SPACA7: variants seen among roughly 807,000 people sequenced by gnomAD.
SPACA7 encodes the protein sperm acrosome associated 7, also known as sperm acrosome-associated protein 7.
A neutral mutation model predicts 26.3 loss-of-function variants in SPACA7; 19 were observed. The observed-to-expected ratio is 0.72, with a 90% CI of 0.50 to 1.06. SPACA7 has a LOEUF of 1.06. Among genes scored for constraint, SPACA7 ranks in the 50% least tolerant of loss-of-function variants. The pLI, the probability that SPACA7 is intolerant of heterozygous loss-of-function variation, is 0.00. For missense variants in SPACA7, 211 were observed against 229.9 expected, an observed-to-expected ratio of 0.92 and a Z score of 0.53; for synonymous variants, 84 against 84.5, an observed-to-expected ratio of 0.99 and a Z score of 0.04.
intron 5 of SPACA7, among the ~76,000 whole-genome samples, chr13:112,410,677 T>C (rs1259972325): frequency 6.6e-6 from 1 of 151,974 alleles, no homozygotes. Context: ...TGTAGAGAAA[T>C]TGGAATTCTT....
intron 5 of SPACA7, among the ~76,000 whole-genome samples, chr13:112,417,622 G>A (rs1414442879): frequency 6.6e-6 from 1 of 151,970 alleles, no homozygotes; most frequent in Non-Finnish European, 1.5e-5. Context: ...TATATATTTT[G>A]AAGACTGACA....
At chr13:112,407,528 A>C (rs1169290967) in intron 5 of SPACA7, among the ~76,000 whole-genome samples, 1 of 152,216 alleles carries the variant, frequency 6.6e-6, no homozygotes, top group Non-Finnish European at 1.5e-5. Flanking sequence ...AAAAATGGTA[A>C]AGGGGATATC....
At chr13:112,383,101 GAAAGAAAAGAAAAGA>G (rs1404941057) in intron 1 of SPACA7, among the ~76,000 whole-genome samples, 6 of 27,194 alleles carry the variant, frequency 2.2e-4, no homozygotes, top group Non-Finnish European at 8.7e-5. Flanking sequence ...AAAGAAAGAA[GAAAGAAAAGAAAAGA>G]AAAGAAAAGA....
At chr13:112,424,980 A>C (rs1482657832) in intron 5 of SPACA7, among the ~76,000 whole-genome samples, 1 of 152,230 alleles carries the variant, frequency 6.6e-6, no homozygotes, top group African/African-American at 2.4e-5. Flanking sequence ...ATGCATAGAC[A>C]CTGAGGAGAA....
At chr13:112,416,521 A>C (rs377360052) in intron 5 of SPACA7, among the ~76,000 whole-genome samples, 2 of 152,148 alleles carry the variant, frequency 1.3e-5, no homozygotes, top group East Asian at 3.9e-4. Flanking sequence ...TCCTGACATC[A>C]AGGGATCCAC....
chr13:112,420,771 G>A (rs747720194), intron 5 of SPACA7, among the ~76,000 whole-genome samples: 7 of 151,998 alleles, frequency 4.6e-5, no homozygotes, highest in Non-Finnish European at 5.9e-5. Flanking sequence ...CACACTGTAG[G>A]CATATCATAT....
At chr13:112,409,540 CA>C (rs1252788465) in intron 5 of SPACA7, among the ~76,000 whole-genome samples, 2 of 151,252 alleles carry the variant, frequency 1.3e-5, no homozygotes, top group Non-Finnish European at 2.9e-5. Flanking sequence ...ACAACCCCAT[CA>C]AAAAGTGGGT....
chr13:112,399,015 T>C (rs1016820033), intron 3 of SPACA7, 51 bp from the exon 4 acceptor site: 4 of 1,095,066 alleles, frequency 3.7e-6, no homozygotes, highest in South Asian at 1.3e-5. Context: ...TGTTTATACC[T>C]GTGTAATCAA....
At chr13:112,408,405 A>C (rs1170708764) in intron 5 of SPACA7, among the ~76,000 whole-genome samples, 1 of 152,178 alleles carries the variant, frequency 6.6e-6, no homozygotes, top group Non-Finnish European at 1.5e-5. Context: ...GGTGTATTTG[A>C]TTAGGAAAAG....
At chr13:112,423,066 C>A (rs535052977) in intron 5 of SPACA7, among the ~76,000 whole-genome samples, 2 of 152,232 alleles carry the variant, frequency 1.3e-5, no homozygotes, top group East Asian at 1.9e-4. Context: ...AATAAAAATA[C>A]CTCTACTAAA....
At chr13:112,382,564 G>A (rs1271437507) in intron 1 of SPACA7, 1 of 1,530,040 alleles carries the variant, frequency 6.5e-7, no homozygotes, top group East Asian at 2.5e-5. Flanking sequence ...GGCCTGGCTG[G>A]GCTTCCAAGG....
intron 1 of SPACA7, among the ~76,000 whole-genome samples, chr13:112,389,826 C>G (rs537966666): frequency 8.5e-5 from 13 of 152,158 alleles, no homozygotes; most frequent in Non-Finnish European, 1.5e-4. Flanking sequence ...CTGATAAAAA[C>G]GGGATATGTT....
Position 112,407,540 on chromosome 13 carries a change from C to T in SPACA7, c.445+6376C>T, listed in dbSNP as rs1886066133. On this transcript the variant is annotated intron_variant, in intron 5 of 6. Coordinates refer to ENST00000283550, the MANE Select transcript of SPACA7 (RefSeq NM_145248.5). ...ACAAAAAATGGTAAAGGGGATATCA[C>T]CACCGATACCAAAGAAATACAAACT... 2.0e-5 allele frequency among the ~76,000 whole-genome samples: 3 copies of T among 152,060 alleles called. No individual in the cohort carries two copies. The South Asian group carries it at 6.2e-4, about 32-fold the overall frequency.
intron 1 of SPACA7, among the ~76,000 whole-genome samples, chr13:112,386,608 C>T (rs947403990): frequency 3.3e-5 from 5 of 149,310 alleles, no homozygotes; most frequent in Admixed American, 1.3e-4. Flanking sequence ...TTAAGGGTGA[C>T]GAGACAAAAA....
intron 5 of SPACA7, among the ~76,000 whole-genome samples, chr13:112,430,647 C>T (rs1877022819): frequency 6.6e-6 from 1 of 152,172 alleles, no homozygotes; most frequent in African/African-American, 2.4e-5. Flanking sequence ...CGCATACAGC[C>T]TCAGTGCCCT....
In SPACA7 at chr13:112,432,671, C is replaced by A. The variant is rs79369404; in HGVS notation, c.523+150C>A. On this transcript the variant is annotated intron_variant, in intron 6 of 6. Transcript: ENST00000283550. ...GAGCTCCACAGGAGCCCCTGTCCAA[C>A]CGTTGATGTGTGGAAACCTGACCAG... The A allele has an allele frequency of 1.8e-3, 1,146 of 631,306 alleles. 11 individuals are homozygous for A. In the African/African-American group the frequency reaches 0.019, roughly 11 times the overall value. 39.1% of individuals were successfully genotyped at this position (631,306 alleles called of 1,614,324 possible).
At chr13:112,395,009 C>T (rs1470078635) in intron 2 of SPACA7, among the ~76,000 whole-genome samples, 3 of 152,172 alleles carry the variant, frequency 2.0e-5, no homozygotes, top group Non-Finnish European at 4.4e-5. Flanking sequence ...TCAGCGAAGC[C>T]CACCCAGGCA....
rs144948911 is a variant in SPACA7 at position 112,382,442 on chromosome 13, G to A, written c.94+5963G>A. On this transcript the variant is annotated intron_variant, in intron 1 of 6. Coordinates refer to ENST00000283550, the MANE Select transcript of SPACA7 (RefSeq NM_145248.5). ...GGTGCAGGCTGTGAAGATGGGAAAA[G>A]GCTGTCAATGCTCTGGCTTCTTCCC... 23 of 1,549,958 alleles carry A rather than the reference G, an allele frequency of 1.5e-5. No individual in the cohort carries two copies. The East Asian group carries it at 5.6e-4, about 38-fold the overall frequency.
intron 5 of SPACA7, among the ~76,000 whole-genome samples, chr13:112,408,627 A>C (rs1886145954): frequency 1.3e-5 from 2 of 152,014 alleles, no homozygotes; most frequent in Admixed American, 6.5e-5. Flanking sequence ...CAATTGCTTC[A>C]AAGAGAATAA....
Sources: gnomAD v4.1 joint callset for allele counts (sites outside exome capture counted in the v4.1 genomes callset) on GRCh38, gnomAD v4.1.1 for gene constraint, MANE v1.5 for transcripts, NCBI Gene and HGNC (gene_info 2026-07-23, HGNC 2026-07-21) for gene names.